Variants in TMEM132B observed in about 807,000 individuals in gnomAD.
TMEM132B encodes transmembrane protein 132B.
Under a neutral mutation model 90.8 loss-of-function variants are expected in TMEM132B, and 18 were observed. The observed-to-expected ratio is 0.20, with a 90% CI of 0.14 to 0.29. The LOEUF (loss-of-function observed/expected upper bound fraction) is 0.29. TMEM132B is among the 10% of genes least tolerant of loss of function. The pLI is 1.00. For synonymous variants in TMEM132B, 504 were observed against 523.3 expected (o/e 0.96, Z 0.50); for missense variants, 1,096 against 1,326.8 (o/e 0.83, Z 2.70).
At chr12:125,366,529 C>G (rs1878138684) in intron 2 of TMEM132B, among the ~76,000 whole-genome samples, 1 of 152,150 alleles carries the variant, frequency 6.6e-6, no homozygotes. Flanking sequence ...GATAAGAAGT[C>G]AGCCATTAAT....
rs1396485610 is a variant in TMEM132B at position 125,407,559 on chromosome 12, T to C, written c.960-7972T>C. Among the ~76,000 whole-genome samples, 1 of 152,174 alleles carries C rather than the reference T, an allele frequency of 6.6e-6. No individual in the cohort carries two copies. The highest frequency in any genetic ancestry group is 2.4e-5 in the African/African-American group (1 of 41,438). ...GGGTAGAGGCTGGCCTGGAGTCCAG[T>C]TGTCTTTCTTTTGACTTATCTACAG... On this transcript the variant is annotated intron_variant, in intron 2 of 8. Coordinates refer to ENST00000682704, the MANE Select transcript of TMEM132B (RefSeq NM_001366854.1). This position sits in a 1 kb window ranked among gnomAD's most constrained non-coding sequence, Gnocchi z 6.7.
chr12:125,638,672 G>C (rs990402489), intron 5 of TMEM132B, among the ~76,000 whole-genome samples: 3 of 151,916 alleles, frequency 2.0e-5, no homozygotes, highest in Admixed American at 6.6e-5. Flanking sequence ...GAAGCCCAAC[G>C]TGCAGTCAGC....
At chr12:125,517,325 T>TGG in intron 3 of TMEM132B, among the ~76,000 whole-genome samples, 1 of 105,126 alleles carries the variant, frequency 9.5e-6, no homozygotes. Context: ...CATGCCCTGC[T>TGG]GATTTTTTTT....
intron 1 of TMEM132B, among the ~76,000 whole-genome samples, chr12:125,332,689 G>A (rs1196729906): frequency 4.8e-5 from 7 of 147,328 alleles, no homozygotes; most frequent in Admixed American, 2.1e-4. Context: ...GATTGTAAAA[G>A]GGATGTTGAA....
intron 1 of TMEM132B, among the ~76,000 whole-genome samples, chr12:125,228,701 C>T (rs534205189): frequency 1.2e-4 from 19 of 152,212 alleles, no homozygotes; most frequent in Admixed American, 5.9e-4. Context: ...TCACTGGTGC[C>T]TACCCACAGC....
chr12:125,309,350 C>T lies in TMEM132B; in HGVS notation c.68-40102C>T, dbSNP rs566411577. 9.8e-5 allele frequency among the ~76,000 whole-genome samples: 15 copies of T among 152,298 alleles called. No individual in the cohort carries two copies. The South Asian group carries it at 3.1e-3, about 32-fold the overall frequency. On this transcript the variant is annotated intron_variant, in intron 1 of 8. Coordinates refer to ENST00000682704, the MANE Select transcript of TMEM132B (RefSeq NM_001366854.1). Reference sequence around the variant, plus strand: ...TAGGGGTAGTAAGATTAGATCTTTGCAGCTTGCTTTTATTAGTTTGGTTAT... The same window carrying T: ...TAGGGGTAGTAAGATTAGATCTTTGTAGCTTGCTTTTATTAGTTTGGTTAT...
rs186462809 is a variant in TMEM132B at position 125,238,269 on chromosome 12, C to T, written c.67+51403C>T. Among the ~76,000 whole-genome samples the T allele has an allele frequency of 1.5e-4, 22 of 148,090 alleles. 1 individual carries two copies. The East Asian group carries it at 2.8e-3, about 19-fold the overall frequency. On this transcript the variant is annotated intron_variant, in intron 1 of 8. Coordinates refer to ENST00000682704, the MANE Select transcript of TMEM132B (RefSeq NM_001366854.1). ...TTGGGAGGCTGAGGCAGGAGAATGG[C>T]GTGAACCTGGGAGGCGGAGCTTGCA...
At position 125,517,629 on chromosome 12, in the gene TMEM132B, C is replaced by T. The variant is rs1417228748; in HGVS notation, c.1107-1810C>T. Reference sequence around the variant, plus strand: ...CCACGGGAGCCCCTAAACTTTTCCACAGCTGTGTGTCTCCTATGATTTTGA... The same window carrying T: ...CCACGGGAGCCCCTAAACTTTTCCATAGCTGTGTGTCTCCTATGATTTTGA... On this transcript the variant is annotated intron_variant, in intron 3 of 8. Transcript: ENST00000682704. Among the ~76,000 whole-genome samples, 6 of 152,190 alleles carry T rather than the reference C, an allele frequency of 3.9e-5. No individual in the cohort carries two copies. In the East Asian group the frequency reaches 1.2e-3, roughly 29 times the overall value.
intron 1 of TMEM132B, among the ~76,000 whole-genome samples, chr12:125,234,874 G>T (rs1873899185): frequency 6.6e-6 from 1 of 152,180 alleles, no homozygotes; most frequent in African/African-American, 2.4e-5. Flanking sequence ...GCAGGCTGTT[G>T]TGGGGATAAA....
In TMEM132B at chr12:125,515,504, C is replaced by A. The variant is rs2136645531; in HGVS notation, c.1107-3935C>A. On this transcript the variant is annotated intron_variant, in intron 3 of 8. Transcript: ENST00000682704. ...TGTCACACTCACACACATACATTGA[C>A]ACATTCGCTCACACCCCTTCACACA... Among the ~76,000 whole-genome samples the A allele has an allele frequency of 3.3e-5, 5 of 151,820 alleles. No individual in the cohort carries two copies. The South Asian group carries it at 1.0e-3, about 32-fold the overall frequency.
At chr12:125,514,341 C>T (rs973626122) in intron 3 of TMEM132B, among the ~76,000 whole-genome samples, 2 of 152,194 alleles carry the variant, frequency 1.3e-5, no homozygotes, top group Non-Finnish European at 1.5e-5. Context: ...GTAGTACAGG[C>T]ACGTCTGTGT....
chr12:125,187,494 C>T (rs534227157), intron 1 of TMEM132B, among the ~76,000 whole-genome samples: 1 of 152,210 alleles, frequency 6.6e-6, no homozygotes, highest in Admixed American at 6.5e-5. Context: ...CTCCAGCGCC[C>T]TGACCCCAAG....
chr12:125,385,901 G>C (rs1456932370), intron 2 of TMEM132B, among the ~76,000 whole-genome samples: 1 of 152,192 alleles, frequency 6.6e-6, no homozygotes, highest in Admixed American at 6.5e-5. Context: ...TTATATTCTA[G>C]TAGGAGAGAC....
intron 3 of TMEM132B, among the ~76,000 whole-genome samples, chr12:125,432,366 A>AATATAT (rs749081900): frequency 0.037 from 445 of 11,914 alleles, 152 homozygotes; most frequent in East Asian, 0.077. Context: ...GAATTCCTTG[A>AATATAT]ATATATATAT....
intron 4 of TMEM132B, among the ~76,000 whole-genome samples, chr12:125,567,355 T>G (rs1320925623): frequency 2.0e-5 from 3 of 152,068 alleles, no homozygotes; most frequent in Non-Finnish European, 4.4e-5. Flanking sequence ...TTCTCTCTCT[T>G]TAGGACCCTA....
intron 4 of TMEM132B, among the ~76,000 whole-genome samples, chr12:125,554,377 A>AT (rs999131737): frequency 2.1e-5 from 3 of 143,430 alleles, no homozygotes; most frequent in African/African-American, 7.6e-5. Flanking sequence ...GTGAGCCGAG[A>AT]TAGTGCCACT....
intron 1 of TMEM132B, among the ~76,000 whole-genome samples, chr12:125,238,796 T>C (rs2136090176): frequency 6.6e-6 from 1 of 152,274 alleles, no homozygotes; most frequent in East Asian, 1.9e-4. Context: ...GTGTTGAGAA[T>C]GCTGAGAAAG....
chr12:125,268,490 A>G lies in TMEM132B; in HGVS notation c.68-80962A>G, dbSNP rs994106409. On this transcript the variant is annotated intron_variant, in intron 1 of 8. Transcript: ENST00000682704. ...TGGAATGCTATACAGCGTGAGAAAA[A>G]TGAAGACAGTGTATATATTGGCTGT... is the stretch of plus-strand genomic sequence containing the variant. Among the ~76,000 whole-genome samples, 13 of 152,252 alleles carry G rather than the reference A, an allele frequency of 8.5e-5. 1 individual carries two copies. The highest frequency in any genetic ancestry group is 3.1e-4 in the African/African-American group (13 of 41,468).
At chr12:125,623,755 G>A (rs187751735) in intron 5 of TMEM132B, among the ~76,000 whole-genome samples, 3 of 152,256 alleles carry the variant, frequency 2.0e-5, no homozygotes, top group Admixed American at 6.5e-5. Context: ...GCAGGGCATC[G>A]CCTCTCTGAC....
Sources: gnomAD v4.1 joint callset for allele counts (sites outside exome capture counted in the v4.1 genomes callset) on GRCh38, gnomAD v4.1.1 for gene constraint, Gnocchi (gnomAD v3.1) non-coding constraint, MANE v1.5 for transcripts, NCBI Gene and HGNC (gene_info 2026-07-23, HGNC 2026-07-21) for gene names.